Variants in RAB33A observed in about 807,000 individuals in gnomAD.
RAB33A encodes the protein ras-related protein Rab-33A.
Under a neutral mutation model 12.0 loss-of-function variants are expected in RAB33A, and 6 were observed. The ratio of observed to expected loss-of-function variants is 0.50; its 90% CI spans 0.27 to 0.99. RAB33A has a LOEUF of 0.99. Among genes scored for constraint, RAB33A ranks in the 50% least tolerant of loss-of-function variants. The pLI, the probability that RAB33A is intolerant of heterozygous loss-of-function variation, is 0.11. For missense variants in RAB33A, 109 were observed against 192.0 expected (o/e 0.57, Z 2.55); for synonymous variants, 70 against 82.4 (o/e 0.85, Z 0.81).
At chrX:130,129,765 A>C in the RAB33A span, 34 of 755,541 alleles carry the variant, frequency 4.5e-5, no homozygotes, top group Middle Eastern at 3.6e-4. Flanking sequence ...ACTAACCCCA[A>C]ACAAGCAGCC....
chrX:130,140,751 T>C, the RAB33A span: 3 of 530,184 alleles, frequency 5.7e-6, no homozygotes, highest in Non-Finnish European at 9.8e-6. Context: ...ATTCACAAGG[T>C]TGTGCCACCA....
At chrX:130,138,327 T>C in the RAB33A span, among the ~76,000 whole-genome samples, 1 of 110,498 alleles carries the variant, frequency 9.0e-6, no homozygotes, top group Non-Finnish European at 1.9e-5. Context: ...TAGCCAGGCG[T>C]GGTTACAGGC....
the RAB33A span, among the ~76,000 whole-genome samples, chrX:130,133,016 C>T: frequency 3.9e-4 from 44 of 111,566 alleles, no homozygotes; most frequent in African/African-American, 1.3e-3. Context: ...CCTATTTTGC[C>T]GGAAGTGCTG....
Position 130,184,673 on chromosome X carries a change from A to G in RAB33A, c.647A>G (p.Gln216Arg). Residue 216 changes from glutamine to arginine, a missense_variant, in exon 2 of 2, where the codon CAG (glutamine) becomes CGG (arginine). Physicochemically the swap from Gln to Arg is conservative, Grantham distance 43. Coordinates refer to ENST00000257017, the MANE Select transcript of RAB33A (RefSeq NM_004794.3). ...KSLLYRDAER[Q>R]QGKVQKLEFP... is the part of the protein sequence containing the mutation. ...CTGCTGTATCGTGATGCTGAGAGGCAGCAGGGGAAGGTGCAGAAACTGGAG... is the reference window on the plus strand; with the variant it reads ...CTGCTGTATCGTGATGCTGAGAGGCGGCAGGGGAAGGTGCAGAAACTGGAG... 2 of 1,212,060 alleles carry G rather than the reference A, an allele frequency of 1.7e-6. No homozygotes were observed. The highest frequency in any genetic ancestry group is 2.2e-6 in the Non-Finnish European group (2 of 895,610).
At chrX:130,180,158 C>T (rs1414144781) in intron 1 of RAB33A, among the ~76,000 whole-genome samples, 3 of 111,087 alleles carry the variant, frequency 2.7e-5, no homozygotes, top group East Asian at 5.7e-4. Context: ...TAGTTTGAAA[C>T]CAGGTTGGGA....
upstream of RAB33A, chrX:130,171,849 C>T: frequency 2.4e-6 from 1 of 413,061 alleles, no homozygotes; most frequent in Non-Finnish European, 4.1e-6. Flanking sequence ...AAGGAGGGTG[C>T]GCTGGAGGAG....
chrX:130,168,404 G>A (rs972538171), upstream of RAB33A, among the ~76,000 whole-genome samples: 2 of 109,504 alleles, frequency 1.8e-5, no homozygotes, highest in Non-Finnish European at 3.8e-5. Flanking sequence ...TAGTAGAGAC[G>A]GGGTTCCACA....
At chrX:130,143,465 T>C in the RAB33A span, among the ~76,000 whole-genome samples, 1 of 111,364 alleles carries the variant, frequency 9.0e-6, no homozygotes, top group African/African-American at 3.3e-5. Flanking sequence ...ATCTCCTTCA[T>C]CTTCTACCTT....
chrX:130,160,258 C>A, the RAB33A span, among the ~76,000 whole-genome samples: 1 of 111,834 alleles, frequency 8.9e-6, no homozygotes, highest in Non-Finnish European at 1.9e-5. Flanking sequence ...ACCTTTCTCC[C>A]CATAGCTTCA....
At chrX:130,149,886 A>T in the RAB33A span, among the ~76,000 whole-genome samples, 3 of 112,349 alleles carry the variant, frequency 2.7e-5, no homozygotes, top group African/African-American at 9.7e-5. Context: ...TACTAGAAGA[A>T]TAAAGTGCTA....
chrX:130,117,610 G>A, the RAB33A span, among the ~76,000 whole-genome samples: 3 of 112,476 alleles, frequency 2.7e-5, no homozygotes, highest in African/African-American at 9.7e-5. Context: ...TTTAGGCAGA[G>A]TCAGCAAATG....
chrX:130,141,274 G>A, the RAB33A span, among the ~76,000 whole-genome samples: 1 of 111,865 alleles, frequency 8.9e-6, no homozygotes, highest in Non-Finnish European at 1.9e-5. Flanking sequence ...CACAGTTTCT[G>A]GTACCCAGTT....
At chrX:130,149,900 A>ATT in the RAB33A span, among the ~76,000 whole-genome samples, 1 of 112,367 alleles carries the variant, frequency 8.9e-6, no homozygotes, top group South Asian at 3.6e-4. Flanking sequence ...AGTGCTAGAA[A>ATT]GGGCTAATCT....
At chrX:130,152,984 T>C in the RAB33A span, among the ~76,000 whole-genome samples, 2 of 110,411 alleles carry the variant, frequency 1.8e-5, no homozygotes, top group Non-Finnish European at 3.8e-5. Context: ...AGTCATAAAA[T>C]GGGTTGTAAA....
the RAB33A span, among the ~76,000 whole-genome samples, chrX:130,128,635 T>C: frequency 2.7e-5 from 3 of 112,265 alleles, no homozygotes; most frequent in South Asian, 7.3e-4. Context: ...AAACAATGAG[T>C]TGACTTGTGA....
intron 1 of RAB33A, 88 bp from the exon 2 acceptor site, chrX:130,184,197 C>T (rs1299154590): frequency 1.1e-6 from 1 of 927,006 alleles, no homozygotes; most frequent in Non-Finnish European, 1.5e-6. Flanking sequence ...CCTGTCACTT[C>T]ATTTTTATAG....
the RAB33A span, among the ~76,000 whole-genome samples, chrX:130,138,434 C>T: frequency 9.0e-6 from 1 of 111,680 alleles, no homozygotes; most frequent in Non-Finnish European, 1.9e-5. Context: ...CACTGCACTC[C>T]AGCCTGGGTG....
chrX:130,182,443 A>G (rs1036407546), intron 1 of RAB33A, among the ~76,000 whole-genome samples: 4 of 109,718 alleles, frequency 3.6e-5, no homozygotes, highest in African/African-American at 1.3e-4. Flanking sequence ...CTTAAAAAAA[A>G]CTGGGACCAT....
At chrX:130,145,666 T>C in the RAB33A span, 7 of 681,872 alleles carry the variant, frequency 1.0e-5, no homozygotes, top group Non-Finnish European at 1.4e-5. Context: ...TCAGAAACTT[T>C]AAGGGACGTT....
Sources: gnomAD v4.1 joint callset for allele counts (sites outside exome capture counted in the v4.1 genomes callset) on GRCh38, gnomAD v4.1.1 for gene constraint, MANE v1.5 for transcripts, NCBI Gene and HGNC (gene_info 2026-07-23, HGNC 2026-07-21) for gene names.